The following NLRP4 variants were observed in gnomAD, a reference collection of about 807,000 sequenced individuals.
NLRP4 encodes NLR family pyrin domain containing 4.
NLRP4 carries 44 observed loss-of-function variants against 84.7 expected under a neutral mutation model. That is an observed-to-expected ratio of 0.52 (90% CI 0.41 to 0.67). NLRP4 has a LOEUF of 0.67. NLRP4 is among the 30% of genes least tolerant of loss of function. The pLI, the probability that NLRP4 is intolerant of heterozygous loss-of-function variation, is 0.00. For missense variants in NLRP4, 1,260 were observed against 1,219.4 expected, an observed-to-expected ratio of 1.03 and a Z score of -0.50; for synonymous variants, 544 against 476.4, an observed-to-expected ratio of 1.14 and a Z score of -1.85.
chr19:55,850,291 GTGGCTGCGGTGT>G (rs2123011708), intron 1 of NLRP4, among the ~76,000 whole-genome samples: 2 of 108,258 alleles, frequency 1.8e-5, no homozygotes, highest in African/African-American at 5.7e-5. Context: ...TGTAATGTCC[GTGGCTGCGGTGT>G]AATGTCCGTG....
At position 55,863,958 on chromosome 19, in the gene NLRP4, G is replaced by A. The variant is rs116195976; in HGVS notation, c.2186+1799G>A. On this transcript the variant is annotated intron_variant, in intron 5 of 9. Coordinates refer to ENST00000301295, the MANE Select transcript of NLRP4 (RefSeq NM_134444.5). ...ACTAGTCTTTGTTGGCCATTTTTCT[G>A]AGCTTGCATCAACCGAACACAAAAA... Among the ~76,000 whole-genome samples the A allele has an allele frequency of 5.4e-3, 815 of 152,058 alleles. 5 individuals carry two copies. The highest frequency in any genetic ancestry group is 0.018 in the African/African-American group (753 of 41,456).
intron 1 of NLRP4, among the ~76,000 whole-genome samples, chr19:55,850,452 T>A (rs62127057): frequency 6.4e-3 from 208 of 32,280 alleles, no homozygotes; most frequent in Middle Eastern, 0.018. Context: ...GTAATTTCCG[T>A]GGCTGCGGTG....
At chr19:55,874,546 CAAT>C (rs1415897886) in intron 7 of NLRP4, among the ~76,000 whole-genome samples, 2 of 152,030 alleles carry the variant, frequency 1.3e-5, no homozygotes. Context: ...TTTCAAGACT[CAAT>C]AAGCTTCTAA....
At chr19:55,849,963 T>G (rs1233864962) in intron 1 of NLRP4, among the ~76,000 whole-genome samples, 1 of 147,170 alleles carries the variant, frequency 6.8e-6, no homozygotes, top group African/African-American at 2.6e-5. Context: ...GACTGCGGTG[T>G]AATTTCCGTA....
At chr19:55,874,789 G>C (rs952479396) in intron 7 of NLRP4, among the ~76,000 whole-genome samples, 1 of 152,044 alleles carries the variant, frequency 6.6e-6, no homozygotes, top group Non-Finnish European at 1.5e-5. Context: ...GAATTTTATT[G>C]GTTGTAATAT....
chr19:55,843,694 T>TA (rs1301107351), intron 1 of NLRP4, among the ~76,000 whole-genome samples: 5 of 151,932 alleles, frequency 3.3e-5, no homozygotes, highest in Non-Finnish European at 7.4e-5. Flanking sequence ...CTGTCTCAAT[T>TA]AAAAAAATTA....
intron 2 of NLRP4, among the ~76,000 whole-genome samples, chr19:55,852,952 C>G (rs144720897): frequency 6.6e-6 from 1 of 152,194 alleles, no homozygotes; most frequent in Non-Finnish European, 1.5e-5. Context: ...GAGGTGAAGT[C>G]GTTGCATAAG....
At position 55,859,183 on chromosome 19, in the gene NLRP4, C is replaced by A. The variant is rs201102126; in HGVS notation, c.1790C>A (p.Ser597Tyr). 12 of 1,611,290 alleles carry A rather than the reference C, an allele frequency of 7.4e-6. No individual in the cohort carries two copies. Among genetic ancestry groups the A allele is most frequent in the Admixed American group, 5.0e-5 (3 of 59,988 alleles). ...VVSAYCLKYCSSLRKLCFSVQ... is the reference protein window; with the variant it reads ...VVSAYCLKYCYSLRKLCFSVQ... ...TCTGCCTACTGCTTAAAATACTGCT[C>A]CAGCTTGAGGAAACTCTGTTTTTCC... The change falls in exon 3 of 10, where the codon TCC (serine) becomes TAC (tyrosine). Residue 597 changes from serine to tyrosine, a missense_variant. By Grantham distance (144) the Ser-to-Tyr change is moderately radical (BLOSUM62 -2). Transcript: ENST00000301295.
At position 55,852,196 on chromosome 19, in the gene NLRP4, T is replaced by C; in HGVS notation, c.116T>C (p.Leu39Pro). 1.2e-6 allele frequency: 2 copies of C among 1,608,162 alleles called. No individual in the cohort carries two copies. Among genetic ancestry groups the C allele is most frequent in the Non-Finnish European group, 1.7e-6 (2 of 1,178,658 alleles). ...HLKQMTLQLE[L>P]KQIPWTEVKK... The stretch of plus-strand genomic sequence containing the variant: ...AAGCAAATGACTTTGCAGCTTGAAC[T>C]CAAGCAGATTCCCTGGACTGAGGTC... The change falls in exon 2 of 10, where the codon CTC becomes CCC. Residue 39 changes from leucine (L) to proline (P), a missense_variant. Transcript: ENST00000301295.
chr19:55,870,938 A>C lies in NLRP4; in HGVS notation c.2466A>C (p.Glu822Asp). 6.2e-7 allele frequency: 1 copy of C among 1,614,102 alleles called. No homozygotes were observed. Among genetic ancestry groups the C allele is most frequent in the African/African-American group, 1.3e-5 (1 of 75,048 alleles). ...TCAGTGCCAATGTCCTGAAGGACGA[A>C]GGACTGAAAACTCTCTGCGAGGCCT... ...LDLSANVLKD[E>D]GLKTLCEALK... Residue 822 changes from glutamate (E) to aspartate (D), a missense_variant, in exon 7 of 10, where the codon GAA (glutamate) becomes GAC (aspartate). Coordinates refer to ENST00000301295, the MANE Select transcript of NLRP4 (RefSeq NM_134444.5).
At position 55,858,261 on chromosome 19, in the gene NLRP4, C is replaced by T; in HGVS notation, c.868C>T (p.Gln290Ter). The T allele has an allele frequency of 6.2e-7, 1 of 1,614,166 alleles. No homozygotes were observed. The highest frequency in any genetic ancestry group is 8.5e-7 in the Non-Finnish European group (1 of 1,180,036). The part of the protein sequence containing the change: ...KPVCPKELRD[Q>*]VTISEIYQPR... ...CGTGTGCCCGAAGGAGCTCCGGGAT[C>T]AGGTGACGATCTCAGAAATCTACCA... Residue 290 changes from glutamine (Q) to a stop codon, truncating the protein, a stop_gained, in exon 3 of 10, where the codon CAG becomes TAG. Coordinates refer to ENST00000301295, the MANE Select transcript of NLRP4 (RefSeq NM_134444.5). LOFTEE classifies it high-confidence loss of function. This position sits in a 1 kb window ranked among gnomAD's most constrained non-coding sequence, Gnocchi z 4.2.
intron 7 of NLRP4, among the ~76,000 whole-genome samples, chr19:55,876,245 G>A (rs540443313): frequency 8.5e-5 from 13 of 152,286 alleles, no homozygotes; most frequent in African/African-American, 3.1e-4. Flanking sequence ...TCCAACAAAC[G>A]ATGCTGAGAC....
Position 55,855,951 on chromosome 19 carries a change from G to A in NLRP4, c.281-1723G>A, listed in dbSNP as rs561039499. Among the ~76,000 whole-genome samples the A allele has an allele frequency of 5.9e-5, 9 of 152,276 alleles. No individual in the cohort carries two copies. In the East Asian group the frequency reaches 1.4e-3, roughly 23 times the overall value. On this transcript the variant is annotated intron_variant, in intron 2 of 9. Transcript: ENST00000301295. ...CCACGACAGCTATGATTCAGAAATCGGGAAGCTCACCAGTGTAGCAGCTGC... is the reference window on the plus strand; with the variant it reads ...CCACGACAGCTATGATTCAGAAATCAGGAAGCTCACCAGTGTAGCAGCTGC...
chr19:55,869,072 G>C (rs1410090868), intron 6 of NLRP4, among the ~76,000 whole-genome samples: 2 of 152,292 alleles, frequency 1.3e-5, no homozygotes, highest in South Asian at 2.1e-4. Context: ...GGACAAACAG[G>C]TGAGTCCTAG....
intron 3 of NLRP4, among the ~76,000 whole-genome samples, chr19:55,860,745 T>C (rs1984718640): frequency 6.6e-6 from 1 of 152,160 alleles, no homozygotes; most frequent in African/African-American, 2.4e-5. Context: ...GTCGACTTAA[T>C]GGCTGGGCTG....
chr19:55,861,971 A>C (rs1984775249), intron 4 of NLRP4, 21 bp from the exon 5 acceptor site: 2 of 1,601,564 alleles, frequency 1.2e-6, no homozygotes, highest in Non-Finnish European at 1.7e-6. Context: ...AACTCATCCA[A>C]AATTTTCTTT....
At chr19:55,859,304 G>A in intron 3 of NLRP4, 55 bp downstream of exon 3, 1 of 1,466,660 alleles carries the variant, frequency 6.8e-7, no homozygotes, top group Non-Finnish European at 9.2e-7. Flanking sequence ...GTATTCCCAA[G>A]TGGGTTTTGC....
chr19:55,881,070 A>C (rs1985566120), intron 9 of NLRP4, among the ~76,000 whole-genome samples: 1 of 151,830 alleles, frequency 6.6e-6, no homozygotes, highest in South Asian at 2.1e-4. Context: ...TTCTATTACC[A>C]ATTCTGGACA....
intron 5 of NLRP4, among the ~76,000 whole-genome samples, chr19:55,863,531 AC>A (rs1485839272): frequency 6.6e-6 from 1 of 152,092 alleles, no homozygotes; most frequent in Non-Finnish European, 1.5e-5. Context: ...GGACTCTGTC[AC>A]AGGAACAGCT....
Sources: allele counts gnomAD v4.1 joint callset (sites outside exome capture counted in the v4.1 genomes callset), GRCh38; gene constraint gnomAD v4.1.1; non-coding constraint Gnocchi (gnomAD v3.1); transcripts MANE v1.5; gene names NCBI Gene and HGNC (gene_info 2026-07-23, HGNC 2026-07-21).